CNTN2: variants seen among roughly 807,000 people sequenced by gnomAD.
The protein encoded by CNTN2 is contactin 2, also known as contactin-2.
Under a neutral mutation model 117.5 loss-of-function variants are expected in CNTN2, and 53 were observed. That is an observed-to-expected ratio of 0.45 (90% CI 0.36 to 0.57). The LOEUF is 0.57. Among genes scored for constraint, CNTN2 ranks in the 20% least tolerant of loss-of-function variants. The probability of loss-of-function intolerance (pLI) is 0.00; values close to 1 mark genes in which losing one functional copy is unlikely to be tolerated. For synonymous variants in CNTN2, 530 were observed against 561.7 expected (o/e 0.94, Z 0.80); for missense variants, 1,106 against 1,404.3 (o/e 0.79, Z 3.39).
chr1:205,067,316 A>G, intron 16 of CNTN2, 66 bp downstream of exon 16: 5 of 1,539,392 alleles, frequency 3.2e-6, no homozygotes, highest in Non-Finnish European at 4.4e-6. Flanking sequence ...CTTATAGGGA[A>G]TGCCAAGCCA....
At chr1:205,053,558 C>T (rs1354264181) in intron 2 of CNTN2, among the ~76,000 whole-genome samples, 2 of 152,178 alleles carry the variant, frequency 1.3e-5, no homozygotes, top group Non-Finnish European at 2.9e-5. Context: ...CAATATCACC[C>T]GGAGTTGTAG....
chr1:205,047,091 G>A (rs986273399), intron 1 of CNTN2, among the ~76,000 whole-genome samples: 3 of 152,216 alleles, frequency 2.0e-5, no homozygotes, highest in Non-Finnish European at 4.4e-5. Flanking sequence ...GGGCCTCGGG[G>A]AAGCAGCTGC....
At chr1:205,052,833 T>C (rs1223631349) in intron 1 of CNTN2, among the ~76,000 whole-genome samples, 1 of 152,142 alleles carries the variant, frequency 6.6e-6, no homozygotes, top group Non-Finnish European at 1.5e-5. Flanking sequence ...TTTCACTTCC[T>C]AAGCGGCACC....
At position 205,065,019 on chromosome 1, in the gene CNTN2, T is replaced by C. The variant is rs1654201969; in HGVS notation, c.1520-68T>C. ...GGCCTTAGGACAGAGCCTCTCAGCC[T>C]GCCCTGCGGACCCGGCCTGGGCCCA... is the stretch of plus-strand genomic sequence containing the variant. On this transcript the variant is annotated intron_variant, in intron 12 of 22. Coordinates refer to ENST00000331830, the MANE Select transcript of CNTN2 (RefSeq NM_005076.5). This position sits in a 1 kb window ranked among gnomAD's most constrained non-coding sequence, Gnocchi z 4.1. 6.5e-7 allele frequency: 1 copy of C among 1,541,988 alleles called. No individual in the cohort carries two copies. Among genetic ancestry groups the C allele is most frequent in the African/African-American group, 1.4e-5 (1 of 73,502 alleles).
At chr1:205,044,512 C>G (rs949839336) in intron 1 of CNTN2, among the ~76,000 whole-genome samples, 2 of 151,878 alleles carry the variant, frequency 1.3e-5, no homozygotes, top group African/African-American at 4.8e-5. Context: ...ATGCCATGGC[C>G]CCAGCCCTGG....
chr1:205,044,092 TC>T (rs1014815561), intron 1 of CNTN2, among the ~76,000 whole-genome samples: 1 of 150,156 alleles, frequency 6.7e-6, no homozygotes, highest in Non-Finnish European at 1.5e-5. Flanking sequence ...CTCAAATCCC[TC>T]CCCCCCATCC....
Position 205,059,018 on chromosome 1 carries a change from G to T in CNTN2, c.488-66G>T. On this transcript the variant is annotated intron_variant, in intron 5 of 22. Transcript: ENST00000331830. The surrounding 1 kb of genome is among the most constrained non-coding windows in gnomAD (Gnocchi z 5.6). ...TTGCAGAACCGCACCAGCATGCTGGGGTCCCACCCAGAGTGGCCCTGTTAG... is the reference window on the plus strand; with the variant it reads ...TTGCAGAACCGCACCAGCATGCTGGTGTCCCACCCAGAGTGGCCCTGTTAG... 7.0e-7 allele frequency: 1 copy of T among 1,434,970 alleles called. No individual in the cohort carries two copies. The highest frequency in any genetic ancestry group is 2.4e-5 in the East Asian group (1 of 42,000). 88.9% of individuals were successfully genotyped at this position (1,434,970 alleles called of 1,614,324 possible). A position where few individuals can be genotyped will look rare whatever the true frequency, so the allele number is the denominator to read the frequency against.
chr1:205,068,253 G>T (rs1025372094), intron 16 of CNTN2: 2 of 152,198 alleles, frequency 1.3e-5, no homozygotes, highest in African/African-American at 2.4e-5. Context: ...ATGAGAGCCC[G>T]GGGATCCTGG....
chr1:205,050,997 T>A, intron 1 of CNTN2, among the ~76,000 whole-genome samples: 1 of 152,238 alleles, frequency 6.6e-6, no homozygotes, highest in South Asian at 2.1e-4. Context: ...TTTCAACTTA[T>A]GATATTTCCA....
chr1:205,059,311 G>A lies in CNTN2; in HGVS notation c.697+18G>A, dbSNP rs872379. The A allele has an allele frequency of 4.8e-5, 77 of 1,607,902 alleles. No individual in the cohort carries two copies. The highest frequency in any genetic ancestry group is 4.3e-4 in the African/African-American group (32 of 74,788). On this transcript the variant is annotated intron_variant, in intron 6 of 22. Coordinates refer to ENST00000331830, the MANE Select transcript of CNTN2 (RefSeq NM_005076.5). This position sits in a 1 kb window ranked among gnomAD's most constrained non-coding sequence, Gnocchi z 5.6. The stretch of plus-strand genomic sequence containing the variant: ...TGCTGAAGGTCAGGCTTGGCCAGGC[G>A]TGGCTGGAGGGAGGGAACTGGAAGG...
chr1:205,053,300 T>C (rs931044712), intron 2 of CNTN2, 45 bp downstream of exon 2: 8 of 1,511,374 alleles, frequency 5.3e-6, no homozygotes, highest in Non-Finnish European at 6.4e-6. Flanking sequence ...GGCATGATTA[T>C]AGTGTTATAT....
Position 205,065,718 on chromosome 1 carries a change from TGTCTCATG to T in CNTN2, c.1696-69_1696-62del. ...TAGGGGACTCCCAAGCGCTGCCTCATGTCTCATGGCCTGCTGCACTGGTCAGGGCCGGT... is the reference window on the plus strand; with the variant it reads ...TAGGGGACTCCCAAGCGCTGCCTCATGCCTGCTGCACTGGTCAGGGCCGGT... On this transcript the variant is annotated intron_variant, in intron 13 of 22. Coordinates refer to ENST00000331830, the MANE Select transcript of CNTN2 (RefSeq NM_005076.5). The surrounding 1 kb of genome is among the most constrained non-coding windows in gnomAD (Gnocchi z 4.1). 1 of 559,412 alleles carries T rather than the reference TGTCTCATG, an allele frequency of 1.8e-6. No homozygotes were observed. The highest frequency in any genetic ancestry group is 3.2e-6 in the Non-Finnish European group (1 of 308,272). The allele number at this position is 559,412 out of a possible 1,614,324, so 34.7% of individuals were successfully genotyped here. A position where few individuals can be genotyped will look rare whatever the true frequency, so the allele number is the denominator to read the frequency against.
Position 205,059,253 on chromosome 1 carries a change from C to T in CNTN2, c.657C>T (p.Ser219=), listed in dbSNP as rs752354425. The T allele has an allele frequency of 8.1e-6, 13 of 1,614,144 alleles. No individual in the cohort carries two copies. The highest frequency in any genetic ancestry group is 3.3e-4 in the Middle Eastern group (2 of 6,062). ...GCCACATGGACTTCTCCACCAAGAG[C>T]GTCTTCAGCAAGTTTGCTCAGCTCA... ...ATSHMDFSTK[S]VFSKFAQLNL... The change falls in exon 6 of 23, where the codon AGC becomes AGT. Residue 219 remains serine (S), a synonymous_variant. Coordinates refer to ENST00000331830, the MANE Select transcript of CNTN2 (RefSeq NM_005076.5). This position sits in a 1 kb window ranked among gnomAD's most constrained non-coding sequence, Gnocchi z 5.6.
chr1:205,069,411 C>A, intron 16 of CNTN2, 80 bp from the exon 17 acceptor site: 1 of 1,422,298 alleles, frequency 7.0e-7, no homozygotes, highest in Non-Finnish European at 9.8e-7. Flanking sequence ...TCTTACGGTG[C>A]TCTACAGGCA....
chr1:205,055,269 C>T (rs1371468708), intron 2 of CNTN2, among the ~76,000 whole-genome samples: 4 of 152,194 alleles, frequency 2.6e-5, no homozygotes, highest in African/African-American at 9.7e-5. Flanking sequence ...CTGCCTCCGC[C>T]TCTCAAAGTG....
At chr1:205,054,451 G>A (rs1253786519) in intron 2 of CNTN2, among the ~76,000 whole-genome samples, 2 of 152,206 alleles carry the variant, frequency 1.3e-5, no homozygotes, top group Admixed American at 6.5e-5. Flanking sequence ...CCACCAGACT[G>A]GGAAGAGCTA....
In CNTN2 at chr1:205,069,837, G is replaced by A. The variant is rs200101585; in HGVS notation, c.2207G>A (p.Arg736Gln). 2.0e-5 allele frequency: 32 copies of A among 1,613,422 alleles called. No individual in the cohort carries two copies. The Middle Eastern group carries it at 6.6e-4, about 33-fold the overall frequency. The change falls in exon 18 of 23, where the codon CGG becomes CAG. Residue 736 changes from arginine (R) to glutamine (Q), a missense_variant. Arg to Gln is a conservative substitution (Grantham distance 43). Transcript: ENST00000331830. ...GCTCTTGCCCCTCAGCCCATGTCAC[G>A]GGAGTACCAGAACGGAGACGGCTTC... ...ELIVNWTPMSREYQNGDGFGY... is the reference protein window; with the variant it reads ...ELIVNWTPMSQEYQNGDGFGY...
In CNTN2 at chr1:205,065,893, C is replaced by A. The variant is rs1386085112; in HGVS notation, c.1800C>A (p.Ala600=). The change falls in exon 14 of 23, where the codon GCC becomes GCA. Residue 600 remains alanine, a synonymous_variant. Transcript: ENST00000331830. This position sits in a 1 kb window ranked among gnomAD's most constrained non-coding sequence, Gnocchi z 4.1. The stretch of plus-strand genomic sequence containing the variant: ...TGGTGGACAGCGCGTCCAAGGAGGC[C>A]ACAGTCCTGGTCCGAGGTGAGGGGT... ...QTVVDSASKE[A]TVLVRGPPGP... 17 of 1,613,156 alleles carry A rather than the reference C, an allele frequency of 1.1e-5. No homozygotes were observed. Among genetic ancestry groups the A allele is most frequent in the Non-Finnish European group, 1.4e-5 (17 of 1,179,592 alleles).
chr1:205,043,507 A>T (rs2096435583), intron 1 of CNTN2, 113 bp downstream of exon 1: 1 of 152,290 alleles, frequency 6.6e-6, no homozygotes. Flanking sequence ...CTTGGGAGGG[A>T]ACAGGGACAG....
Sources: gnomAD v4.1 joint callset for allele counts (sites outside exome capture counted in the v4.1 genomes callset) on GRCh38, gnomAD v4.1.1 for gene constraint, Gnocchi (gnomAD v3.1) non-coding constraint, MANE v1.5 for transcripts, NCBI Gene and HGNC (gene_info 2026-07-23, HGNC 2026-07-21) for gene names.